The following BCO1 variants were observed in gnomAD, a reference collection of about 807,000 sequenced individuals.
The protein encoded by BCO1 is beta-carotene oxygenase 1, also known as beta,beta-carotene 15,15'-dioxygenase.
In BCO1, 54 loss-of-function variants were observed where a neutral mutation model predicts 56.3. That is an observed-to-expected ratio of 0.96 (90% CI 0.77 to 1.20). BCO1 has a LOEUF of 1.20. Among genes scored for constraint, BCO1 ranks in the 50% most tolerant of loss-of-function variants. The probability of loss-of-function intolerance (pLI) is 0.00; values close to 1 mark genes in which losing one functional copy is unlikely to be tolerated. For missense variants in BCO1, 801 were observed against 690.9 expected (o/e 1.16, Z -1.79); for synonymous variants, 318 against 266.1 (o/e 1.20, Z -1.90).
In BCO1 at chr16:81,290,397, T is replaced by C. The variant is rs1908396212; in HGVS notation, c.1464T>C (p.Phe488=). 6.2e-7 allele frequency: 1 copy of C among 1,614,252 alleles called. No individual in the cohort carries two copies. Among genetic ancestry groups the C allele is most frequent in the Admixed American group, 1.7e-5 (1 of 60,030 alleles). Residue 488 remains phenylalanine (F), a synonymous_variant, in exon 11 of 11, where the codon TTT becomes TTC. Coordinates refer to ENST00000258168, the MANE Select transcript of BCO1 (RefSeq NM_017429.3). The part of the protein sequence containing the change: ...IVSTDPQKLP[F]LLILDAKSFT... The stretch of plus-strand genomic sequence containing the variant: ...CTACTGATCCCCAAAAGCTGCCTTT[T>C]CTGCTCATTCTGGATGCCAAAAGCT...
chr16:81,274,739 G>A lies in BCO1; in HGVS notation c.1101+4323G>A, dbSNP rs570792432. On this transcript the variant is annotated intron_variant, in intron 7 of 10. Coordinates refer to ENST00000258168, the MANE Select transcript of BCO1 (RefSeq NM_017429.3). Reference sequence around the variant, plus strand: ...CTAAAAATGTAAAAATTAGCTTGGCGTGGTGGCCCCTGCCTGTAATCTTAG... The same window carrying A: ...CTAAAAATGTAAAAATTAGCTTGGCATGGTGGCCCCTGCCTGTAATCTTAG... 6.6e-5 allele frequency among the ~76,000 whole-genome samples: 10 copies of A among 152,224 alleles called. No individual in the cohort carries two copies. In the East Asian group the frequency reaches 1.2e-3, roughly 18 times the overall value.
At chr16:81,274,824 G>A (rs1425688678) in intron 7 of BCO1, among the ~76,000 whole-genome samples, 1 of 151,904 alleles carries the variant, frequency 6.6e-6, no homozygotes, top group East Asian at 1.9e-4. Context: ...GCTGCAGTGA[G>A]CTGAGATCCC....
At chr16:81,259,016 C>T (rs909378624) in intron 2 of BCO1, among the ~76,000 whole-genome samples, 1 of 152,106 alleles carries the variant, frequency 6.6e-6, no homozygotes, top group Non-Finnish European at 1.5e-5. Flanking sequence ...ACTCACTCAT[C>T]ACCAGAACAA....
intron 1 of BCO1, among the ~76,000 whole-genome samples, chr16:81,239,342 A>AT (rs1905012374): frequency 6.6e-6 from 1 of 152,124 alleles, no homozygotes; most frequent in South Asian, 2.1e-4. Flanking sequence ...GATGGACACT[A>AT]TTTTTTCCTG....
intron 2 of BCO1, among the ~76,000 whole-genome samples, chr16:81,257,836 C>T (rs930466485): frequency 2.0e-5 from 3 of 149,024 alleles, no homozygotes; most frequent in Non-Finnish European, 4.4e-5. Context: ...GCCAAGATTC[C>T]ACCATTGCAC....
intron 7 of BCO1, among the ~76,000 whole-genome samples, chr16:81,271,499 T>G (rs760007254): frequency 9.9e-5 from 15 of 152,134 alleles, no homozygotes; most frequent in Non-Finnish European, 2.1e-4. Context: ...TTAGAACATT[T>G]TCATCACCTC....
chr16:81,281,441 G>A (rs1281253835), intron 8 of BCO1, among the ~76,000 whole-genome samples: 2 of 152,096 alleles, frequency 1.3e-5, no homozygotes, highest in East Asian at 3.8e-4. Flanking sequence ...GCAAGACACT[G>A]TCTCACAAAA....
chr16:81,243,078 C>T (rs1905211836), intron 1 of BCO1, among the ~76,000 whole-genome samples: 1 of 151,998 alleles, frequency 6.6e-6, no homozygotes, highest in Non-Finnish European at 1.5e-5. Flanking sequence ...CTGCCAGGGG[C>T]TGGGGTAAGG....
At chr16:81,272,781 G>C (rs1907315167) in intron 7 of BCO1, among the ~76,000 whole-genome samples, 1 of 152,200 alleles carries the variant, frequency 6.6e-6, no homozygotes, top group East Asian at 1.9e-4. Context: ...CAGGTACTTT[G>C]CTAAGCATTT....
intron 1 of BCO1, among the ~76,000 whole-genome samples, 169 bp from the exon 2 acceptor site, chr16:81,245,306 C>T (rs893240823): frequency 1.3e-5 from 2 of 152,176 alleles, no homozygotes; most frequent in African/African-American, 4.8e-5. Context: ...TCAGTGCTAG[C>T]CAACTGCCCA....
intron 5 of BCO1, among the ~76,000 whole-genome samples, chr16:81,266,484 AG>A (rs1906836671): frequency 6.6e-6 from 1 of 151,800 alleles, no homozygotes; most frequent in Non-Finnish European, 1.5e-5. Context: ...TGTCTTGTAG[AG>A]CCCCCTGAGC....
Position 81,267,810 on chromosome 16 carries a change from T to C in BCO1, c.620-98T>C, listed in dbSNP as rs148208329. On this transcript the variant is annotated intron_variant, in intron 5 of 10. Coordinates refer to ENST00000258168, the MANE Select transcript of BCO1 (RefSeq NM_017429.3). The stretch of plus-strand genomic sequence containing the variant: ...CGTTGCTGTTTAATGTAAAGGTTTT[T>C]TTCAGCAATCAAGTCAGTTTGTAGG... 1,199 of 1,048,978 alleles carry C rather than the reference T, an allele frequency of 1.1e-3. 8 individuals carry two copies. The African/African-American group carries it at 0.017, about 15-fold the overall frequency. The allele number at this position is 1,048,978 out of a possible 1,614,324, so 65.0% of individuals were successfully genotyped here.
chr16:81,290,387 A>G lies in BCO1; in HGVS notation c.1454A>G (p.Lys485Arg). The G allele has an allele frequency of 1.9e-6, 3 of 1,614,214 alleles. No individual in the cohort carries two copies. The change falls in exon 11 of 11, where the codon AAG (lysine) becomes AGG (arginine). Residue 485 changes from lysine to arginine, a missense_variant. By Grantham distance (26) the Lys-to-Arg change is conservative. Coordinates refer to ENST00000258168, the MANE Select transcript of BCO1 (RefSeq NM_017429.3). ...GCCATTGTCTCTACTGATCCCCAAA[A>G]GCTGCCTTTTCTGCTCATTCTGGAT... ...LSAIVSTDPQ[K>R]LPFLLILDAK...
At chr16:81,277,154 C>T (rs953070955) in intron 7 of BCO1, among the ~76,000 whole-genome samples, 1 of 151,622 alleles carries the variant, frequency 6.6e-6, no homozygotes, top group Non-Finnish European at 1.5e-5. Context: ...ACAGCCTGTT[C>T]CACGCCATCA....
intron 3 of BCO1, among the ~76,000 whole-genome samples, chr16:81,260,251 A>C (rs1309010428): frequency 6.6e-6 from 1 of 152,080 alleles, no homozygotes; most frequent in East Asian, 1.9e-4. Flanking sequence ...AGAAGTAAAA[A>C]GGAATGAGGA....
chr16:81,258,897 T>C (rs1325861687), intron 2 of BCO1, among the ~76,000 whole-genome samples: 1 of 152,006 alleles, frequency 6.6e-6, no homozygotes, highest in East Asian at 1.9e-4. Flanking sequence ...CTTTGGCTCA[T>C]GGCAGAAGGC....
At chr16:81,275,451 G>C (rs144832284) in intron 7 of BCO1, among the ~76,000 whole-genome samples, 1 of 152,194 alleles carries the variant, frequency 6.6e-6, no homozygotes, top group Non-Finnish European at 1.5e-5. Context: ...GCATGACCCC[G>C]CAGCTGAGTC....
At chr16:81,255,500 T>G (rs1174750551) in intron 2 of BCO1, among the ~76,000 whole-genome samples, 1 of 151,172 alleles carries the variant, frequency 6.6e-6, no homozygotes, top group Non-Finnish European at 1.5e-5. Context: ...GTTATTTTTT[T>G]TTATTTTTTA....
chr16:81,241,445 A>G (rs1245187303), intron 1 of BCO1, among the ~76,000 whole-genome samples: 1 of 152,236 alleles, frequency 6.6e-6, no homozygotes, highest in Non-Finnish European at 1.5e-5. Flanking sequence ...CTAGAACACG[A>G]GAGGCTGAGT....
Sources: allele counts gnomAD v4.1 joint callset (sites outside exome capture counted in the v4.1 genomes callset), GRCh38; gene constraint gnomAD v4.1.1; transcripts MANE v1.5; gene names NCBI Gene and HGNC (gene_info 2026-07-23, HGNC 2026-07-21).